The following TENM3 variants were observed in gnomAD, a reference collection of about 807,000 sequenced individuals.
TENM3 encodes teneurin transmembrane protein 3, also known as teneurin-3.
Under a neutral mutation model 255.1 loss-of-function variants are expected in TENM3, and 63 were observed. The ratio of observed to expected loss-of-function variants is 0.25; its 90% CI spans 0.20 to 0.30. TENM3 has a LOEUF of 0.30. Ranked by LOEUF, TENM3 falls within the 10% of genes least tolerant of loss-of-function variation. The pLI is 1.00. For missense variants in TENM3, 2,929 were observed against 3,461.1 expected (o/e 0.85, Z 3.86); for synonymous variants, 1,306 against 1,322.3 (o/e 0.99, Z 0.27).
At chr4:181,540,436 G>A in the TENM3 span, among the ~76,000 whole-genome samples, 145 of 152,170 alleles carry the variant, frequency 9.5e-4, no homozygotes, top group African/African-American at 2.6e-3. Flanking sequence ...CCTTAAGTGC[G>A]GCTGTGAATA....
At chr4:181,698,328 C>T in the TENM3 span, among the ~76,000 whole-genome samples, 2 of 151,948 alleles carry the variant, frequency 1.3e-5, no homozygotes, top group African/African-American at 4.8e-5. Context: ...AGACTATTAA[C>T]ATCTGATTCC....
intron 5 of TENM3, among the ~76,000 whole-genome samples, chr4:182,635,369 A>G (rs912790738): frequency 6.6e-6 from 1 of 152,176 alleles, no homozygotes; most frequent in Non-Finnish European, 1.5e-5. Context: ...CAGCTACCAT[A>G]CAGAACATTT....
the TENM3 span, among the ~76,000 whole-genome samples, chr4:182,101,110 G>A: frequency 6.4e-5 from 3 of 46,736 alleles, no homozygotes; most frequent in African/African-American, 3.0e-4. Flanking sequence ...GAGGGAGGAA[G>A]GAAAGAAGGA....
At chr4:181,693,260 T>C in the TENM3 span, among the ~76,000 whole-genome samples, 1 of 152,238 alleles carries the variant, frequency 6.6e-6, no homozygotes, top group African/African-American at 2.4e-5. Flanking sequence ...TGTACATTTA[T>C]GGGGTTGTGC....
the TENM3 span, among the ~76,000 whole-genome samples, chr4:182,089,372 C>G: frequency 6.6e-6 from 1 of 152,094 alleles, no homozygotes; most frequent in African/African-American, 2.4e-5. Flanking sequence ...ACCTAGGCAG[C>G]AGAGAAAAGG....
the TENM3 span, among the ~76,000 whole-genome samples, chr4:181,645,766 A>C: frequency 6.6e-6 from 1 of 152,232 alleles, no homozygotes; most frequent in African/African-American, 2.4e-5. Context: ...AAGACTGCCA[A>C]GGTGATACCC....
At chr4:182,226,096 T>C (rs1756139481) in intron 1 of TENM3, among the ~76,000 whole-genome samples, 1 of 152,136 alleles carries the variant, frequency 6.6e-6, no homozygotes, top group Non-Finnish European at 1.5e-5. Flanking sequence ...TTGTTGGAGA[T>C]TTTAATCTGT....
chr4:182,165,727 G>A lies in TENM3; in HGVS notation c.-76+20973G>A, dbSNP rs1353191450. Among the ~76,000 whole-genome samples, 4 of 152,288 alleles carry A rather than the reference G, an allele frequency of 2.6e-5. No individual in the cohort carries two copies. The South Asian group carries it at 8.3e-4, about 32-fold the overall frequency. On this transcript the variant is annotated intron_variant, in intron 1 of 2. Transcript: ENST00000512480. ...GGTGGAAACCTAAAATGCACACTGA[G>A]TGACTCCCCTTTCACTCTTTTTTGG...
At chr4:181,457,913 T>C in the TENM3 span, among the ~76,000 whole-genome samples, 2 of 151,966 alleles carry the variant, frequency 1.3e-5, no homozygotes, top group Non-Finnish European at 2.9e-5. Context: ...AGTATTTCTA[T>C]AGTATTTAGT....
At chr4:182,130,959 C>T in the TENM3 span, among the ~76,000 whole-genome samples, 1 of 152,000 alleles carries the variant, frequency 6.6e-6, no homozygotes, top group African/African-American at 2.4e-5. Flanking sequence ...TCTTGTGTGG[C>T]AGATTTAACC....
chr4:181,666,864 C>A, the TENM3 span, among the ~76,000 whole-genome samples: 1 of 152,278 alleles, frequency 6.6e-6, no homozygotes, highest in South Asian at 2.1e-4. Flanking sequence ...ACATTCCCAT[C>A]GCTCTGCCCT....
chr4:181,476,212 T>TTTTTTTTTG, the TENM3 span, among the ~76,000 whole-genome samples: 1 of 147,878 alleles, frequency 6.8e-6, no homozygotes, highest in African/African-American at 2.5e-5. Flanking sequence ...AGGGGTTTTT[T>TTTTTTTTTG]TTTTTTTTTT....
chr4:182,659,317 T>TGA lies in TENM3; in HGVS notation c.1111+5439_1111+5440dup, dbSNP rs35257245. 2.4e-3 allele frequency among the ~76,000 whole-genome samples: 357 copies of TGA among 151,628 alleles called. 5 individuals carry two copies. The highest frequency in any genetic ancestry group is 8.3e-3 in the African/African-American group (341 of 41,312). Reference sequence around the variant, plus strand: ...GTGGTCTGAAACTATTAAGATACTTTGAGAGAGAGAGAGAGACAGACCACA... The same window carrying TGA: ...GTGGTCTGAAACTATTAAGATACTTTGAGAGAGAGAGAGAGAGACAGACCACA... On this transcript the variant is annotated intron_variant, in intron 6 of 27. Coordinates refer to ENST00000511685, the MANE Select transcript of TENM3 (RefSeq NM_001080477.4).
the TENM3 span, among the ~76,000 whole-genome samples, chr4:181,553,332 A>ATG: frequency 1.6e-5 from 2 of 125,626 alleles, no homozygotes; most frequent in Non-Finnish European, 3.6e-5. Context: ...ATATATATAT[A>ATG]TATACACACA....
intron 3 of TENM3, among the ~76,000 whole-genome samples, chr4:182,433,796 T>G (rs923843866): frequency 6.6e-6 from 1 of 152,082 alleles, no homozygotes. Context: ...TCTAGGATAG[T>G]TATAATGAGA....
the TENM3 span, among the ~76,000 whole-genome samples, chr4:182,068,507 A>T: frequency 6.6e-6 from 1 of 152,124 alleles, no homozygotes; most frequent in East Asian, 1.9e-4. Context: ...GAAATGAGGA[A>T]AGGTTTTCAT....
chr4:182,226,084 C>T (rs1756138799), intron 1 of TENM3, among the ~76,000 whole-genome samples: 1 of 152,066 alleles, frequency 6.6e-6, no homozygotes, highest in African/African-American at 2.4e-5. Flanking sequence ...CCATCCATTT[C>T]CTTGTTGGAG....
At chr4:182,597,706 G>T (rs1747403288) in intron 3 of TENM3, among the ~76,000 whole-genome samples, 1 of 151,842 alleles carries the variant, frequency 6.6e-6, no homozygotes, top group Admixed American at 6.6e-5. Flanking sequence ...TTTATTTTTG[G>T]CAGTGTTGTA....
At chr4:182,602,830 T>A (rs548042418) in intron 4 of TENM3, among the ~76,000 whole-genome samples, 7 of 152,080 alleles carry the variant, frequency 4.6e-5, no homozygotes, top group Non-Finnish European at 7.4e-5. Context: ...TTGGAAAAAA[T>A]TTATTAGGAA....
Sources: gnomAD v4.1 joint callset for allele counts (sites outside exome capture counted in the v4.1 genomes callset) on GRCh38, gnomAD v4.1.1 for gene constraint, MANE v1.5 for transcripts, NCBI Gene and HGNC (gene_info 2026-07-23, HGNC 2026-07-21) for gene names.